CDC42BPB: variants seen among roughly 807,000 people sequenced by gnomAD.
CDC42BPB encodes the protein serine/threonine-protein kinase MRCK beta.
Under a neutral mutation model 214.9 loss-of-function variants are expected in CDC42BPB, and 37 were observed. The ratio of observed to expected loss-of-function variants is 0.17; its 90% confidence interval spans 0.13 to 0.23. The LOEUF is 0.23. Ranked by LOEUF, CDC42BPB falls within the 10% of genes least tolerant of loss-of-function variation. The pLI is 1.00. For synonymous variants in CDC42BPB, 931 were observed against 884.0 expected (o/e 1.05, Z -0.94); for missense variants, 1,694 against 2,227.0 (o/e 0.76, Z 4.82).
chr14:102,975,001 T>A (rs539453829), intron 11 of CDC42BPB, among the ~76,000 whole-genome samples: 1 of 152,244 alleles, frequency 6.6e-6, no homozygotes, highest in East Asian at 1.9e-4. Flanking sequence ...GGAACTTTGA[T>A]AACCTAGGAA....
chr14:103,057,200 G>T lies in CDC42BPB; in HGVS notation c.-27C>A. ...GTGCCGCGCGGCCCGCTCCCGACGC[G>T]CCGGCCTCTCACCGCCGGCTCGGCC... On this transcript the variant is annotated 5_prime_UTR_variant, in exon 1 of 37. Transcript: ENST00000361246. The T allele has an allele frequency of 1.5e-6, 2 of 1,345,782 alleles. No homozygotes were observed. Among genetic ancestry groups the T allele is most frequent in the South Asian group, 3.4e-5 (2 of 58,580 alleles). 83.4% of individuals were successfully genotyped at this position (1,345,782 alleles called of 1,614,324 possible).
intron 1 of CDC42BPB, among the ~76,000 whole-genome samples, chr14:103,039,809 AAAGG>A (rs1308711803): frequency 6.6e-6 from 1 of 152,178 alleles, no homozygotes; most frequent in African/African-American, 2.4e-5. Context: ...TCCAAGTTGA[AAAGG>A]AAGAAGCAGA....
chr14:103,002,846 C>G (rs1240983232), intron 4 of CDC42BPB, among the ~76,000 whole-genome samples: 1 of 152,200 alleles, frequency 6.6e-6, no homozygotes, highest in East Asian at 1.9e-4. Flanking sequence ...CAAACACCAG[C>G]TGCCCCCTCT....
intron 30 of CDC42BPB, chr14:102,940,567 CTACAG>C: frequency 9.4e-7 from 1 of 1,068,666 alleles, no homozygotes; most frequent in Non-Finnish European, 1.3e-6. Context: ...ATTTTGAATA[CTACAG>C]TACAGATGTT....
chr14:103,014,283 G>A (rs756404616), intron 1 of CDC42BPB, among the ~76,000 whole-genome samples: 13 of 152,054 alleles, frequency 8.5e-5, no homozygotes, highest in Non-Finnish European at 1.6e-4. Context: ...AGACCAGCTC[G>A]TGCCCGCCAT....
At chr14:102,979,904 G>A (rs767061372) in intron 8 of CDC42BPB, among the ~76,000 whole-genome samples, 7 of 152,226 alleles carry the variant, frequency 4.6e-5, no homozygotes, top group South Asian at 2.1e-4. Flanking sequence ...AACCCAACTC[G>A]GAAAATCCTG....
intron 32 of CDC42BPB, 30 bp from the exon 33 acceptor site, chr14:102,939,977 C>T: frequency 6.2e-7 from 1 of 1,613,706 alleles, no homozygotes; most frequent in Middle Eastern, 1.6e-4. Flanking sequence ...GGTGACGGTG[C>T]TGCGGCACCA....
intron 1 of CDC42BPB, among the ~76,000 whole-genome samples, chr14:103,015,907 A>G (rs1373655650): frequency 4.6e-5 from 7 of 151,534 alleles, no homozygotes; most frequent in Non-Finnish European, 8.8e-5. Flanking sequence ...TAGTAGAGAC[A>G]GGGTTTCACT....
At chr14:103,040,242 C>G (rs887746074) in intron 1 of CDC42BPB, among the ~76,000 whole-genome samples, 2 of 151,990 alleles carry the variant, frequency 1.3e-5, no homozygotes, top group South Asian at 4.2e-4. Flanking sequence ...GCAATCCCAG[C>G]TACTCGGGAG....
chr14:102,994,195 G>C (rs1199887670), intron 5 of CDC42BPB, among the ~76,000 whole-genome samples: 4 of 152,024 alleles, frequency 2.6e-5, no homozygotes, highest in African/African-American at 7.2e-5. Flanking sequence ...TATAAAACAG[G>C]GATGTTTTTC....
chr14:102,941,971 C>G (rs1014094472), intron 30 of CDC42BPB, among the ~76,000 whole-genome samples: 1 of 152,212 alleles, frequency 6.6e-6, no homozygotes, highest in Non-Finnish European at 1.5e-5. Context: ...CCCACCAAGG[C>G]GGAGAACCGA....
intron 17 of CDC42BPB, 103 bp downstream of exon 17, chr14:102,966,943 C>A: frequency 7.3e-7 from 1 of 1,362,218 alleles, no homozygotes; most frequent in South Asian, 1.4e-5. Context: ...GCCTGAGAGG[C>A]ACGGCCTGGC....
chr14:102,944,654 G>C lies in CDC42BPB; in HGVS notation c.3812-167C>G, dbSNP rs2139365286. 1.0e-6 allele frequency: 1 copy of C among 985,316 alleles called. No homozygotes were observed. The highest frequency in any genetic ancestry group is 1.7e-5 in the African/African-American group (1 of 57,316). 61.0% of individuals were successfully genotyped at this position (985,316 alleles called of 1,614,324 possible). ...CCCTGAGCCCGTCTCTGCCCACAGA[G>C]CCAGTGGCTTGAACGCCCCCCGGAG... On this transcript the variant is annotated intron_variant, in intron 29 of 36. Coordinates refer to ENST00000361246, the MANE Select transcript of CDC42BPB (RefSeq NM_006035.4). The surrounding 1 kb of genome is among the most constrained non-coding windows in gnomAD (Gnocchi z 6.6).
At position 102,968,525 on chromosome 14, in the gene CDC42BPB, C is replaced by A; in HGVS notation, c.2187G>T (p.Leu729=). 6.2e-7 allele frequency: 1 copy of A among 1,614,188 alleles called. No individual in the cohort carries two copies. The highest frequency in any genetic ancestry group is 2.2e-5 in the East Asian group (1 of 44,890). ...CTTTTAACATCAAGATTTCTTTCTG[C>A]AGGGCCAGCTGGTGGCTTTCTGAAT... The part of the protein sequence containing the change: ...VHDSESHQLA[L]QKEILMLKDK... Residue 729 remains leucine, a synonymous_variant, in exon 15 of 37, where the codon CTG becomes CTT. Transcript: ENST00000361246.
chr14:102,986,908 C>T lies in CDC42BPB; in HGVS notation c.597-328G>A, dbSNP rs549409668. The stretch of plus-strand genomic sequence containing the variant: ...GCCCACCCACCTATGCACGTGACAA[C>T]GCTGCCCCTGCCTTCATGAAGCCTG... On this transcript the variant is annotated intron_variant, in intron 5 of 36. Transcript: ENST00000361246. 3.9e-5 allele frequency among the ~76,000 whole-genome samples: 6 copies of T among 152,342 alleles called. No homozygotes were observed. The East Asian group carries it at 5.8e-4, about 15-fold the overall frequency.
At chr14:103,005,464 T>C (rs1332543700) in intron 3 of CDC42BPB, among the ~76,000 whole-genome samples, 2 of 152,082 alleles carry the variant, frequency 1.3e-5, no homozygotes, top group South Asian at 2.1e-4. Context: ...TCCCAGCACC[T>C]TGGGAGGCCA....
chr14:102,985,740 G>T (rs1015698367), intron 6 of CDC42BPB, among the ~76,000 whole-genome samples: 11 of 152,240 alleles, frequency 7.2e-5, no homozygotes, highest in African/African-American at 2.7e-4. Context: ...TATGATAAGT[G>T]TAGGTTTCAA....
intron 1 of CDC42BPB, among the ~76,000 whole-genome samples, chr14:103,051,591 CAA>C (rs1217405033): frequency 6.6e-6 from 1 of 152,210 alleles, no homozygotes; most frequent in East Asian, 1.9e-4. Flanking sequence ...TGGCTTGCGA[CAA>C]GAGGCAGGGC....
intron 1 of CDC42BPB, among the ~76,000 whole-genome samples, chr14:103,051,554 C>T (rs1174054602): frequency 1.3e-5 from 2 of 152,046 alleles, no homozygotes; most frequent in Admixed American, 6.5e-5. Flanking sequence ...CTAATGTCAG[C>T]GCAACCAGGA....
Sources: gnomAD v4.1 joint callset for allele counts (sites outside exome capture counted in the v4.1 genomes callset) on GRCh38, gnomAD v4.1.1 for gene constraint, Gnocchi (gnomAD v3.1) non-coding constraint, MANE v1.5 for transcripts, NCBI Gene and HGNC (gene_info 2026-07-23, HGNC 2026-07-21) for gene names.